Variants in CCDC150 observed in about 807,000 individuals in gnomAD.
CCDC150 encodes the protein coiled-coil domain containing 150, also known as coiled-coil domain-containing protein 150.
CCDC150 carries 151 observed loss-of-function variants against 156.5 expected under a neutral mutation model. The observed-to-expected ratio is 0.97, with a 90% CI of 0.85 to 1.10. The LOEUF (loss-of-function observed/expected upper bound fraction) is 1.10. CCDC150 is among the 50% of genes least tolerant of loss of function. CCDC150 has a pLI of 0.00. For missense variants in CCDC150, 1,312 were observed against 1,268.1 expected (o/e 1.03, Z -0.53); for synonymous variants, 452 against 429.4 (o/e 1.05, Z -0.65).
At chr2:196,689,371 C>T (rs1228821641) in intron 13 of CCDC150, among the ~76,000 whole-genome samples, 47 of 151,882 alleles carry the variant, frequency 3.1e-4, no homozygotes, top group Middle Eastern at 3.4e-3. Flanking sequence ...TTCTTCCTAC[C>T]CATGAGCATG....
At chr2:196,687,984 C>T (rs1331082367) in intron 13 of CCDC150, among the ~76,000 whole-genome samples, 2 of 152,120 alleles carry the variant, frequency 1.3e-5, no homozygotes, top group Non-Finnish European at 2.9e-5. Flanking sequence ...CAGTACCATG[C>T]ATGCTGTTTT....
chr2:196,693,849 A>C (rs988195732), intron 13 of CCDC150, among the ~76,000 whole-genome samples: 1 of 152,050 alleles, frequency 6.6e-6, no homozygotes, highest in African/African-American at 2.4e-5. Flanking sequence ...TAATGAATTG[A>C]TGTTGAATTT....
intron 23 of CCDC150, 121 bp downstream of exon 23, chr2:196,729,508 G>A (rs1298781663): frequency 1.0e-6 from 1 of 957,332 alleles, no homozygotes; most frequent in Non-Finnish European, 1.6e-6. Flanking sequence ...GGGAATTATA[G>A]CCAGTTGTCT....
intron 1 of CCDC150, among the ~76,000 whole-genome samples, chr2:196,645,932 T>G (rs745915636): frequency 6.6e-6 from 1 of 152,226 alleles, no homozygotes; most frequent in Non-Finnish European, 1.5e-5. Context: ...TAGGTCCTTG[T>G]GTGTGACTAA....
At chr2:196,701,057 G>A in intron 14 of CCDC150, 52 bp from the exon 15 acceptor site, 1 of 1,155,108 alleles carries the variant, frequency 8.7e-7, no homozygotes, top group Non-Finnish European at 1.3e-6. Flanking sequence ...AAATGAAAAT[G>A]GTTATTCCTT....
chr2:196,639,742 G>A lies in CCDC150; in HGVS notation c.-25G>A. On this transcript the variant is annotated 5_prime_UTR_variant, in exon 1 of 28. Coordinates refer to ENST00000389175, the MANE Select transcript of CCDC150 (RefSeq NM_001080539.2). ...TTCCACGGAAACCCGCTCGCCTGCTGCAGTACGGAGCCTCAGGCGGACAGA... is the reference window on the plus strand; with the variant it reads ...TTCCACGGAAACCCGCTCGCCTGCTACAGTACGGAGCCTCAGGCGGACAGA... 1 of 1,557,062 alleles carries A rather than the reference G, an allele frequency of 6.4e-7. No individual in the cohort carries two copies. The highest frequency in any genetic ancestry group is 1.2e-5 in the South Asian group (1 of 82,990).
intron 17 of CCDC150, chr2:196,713,380 C>G: frequency 6.7e-7 from 1 of 1,501,184 alleles, no homozygotes. Context: ...AAAGGAAATC[C>G]CCAGAGAGGA....
At chr2:196,714,815 T>C (rs770283501) in intron 17 of CCDC150, among the ~76,000 whole-genome samples, 2 of 152,238 alleles carry the variant, frequency 1.3e-5, no homozygotes, top group Non-Finnish European at 1.5e-5. Flanking sequence ...CATACTGATA[T>C]ATACATACAC....
At chr2:196,711,400 A>G (rs550633499) in intron 15 of CCDC150, among the ~76,000 whole-genome samples, 1 of 152,342 alleles carries the variant, frequency 6.6e-6, no homozygotes, top group South Asian at 2.1e-4. Context: ...ATATTGAGAG[A>G]TGGAACTGTT....
intron 14 of CCDC150, among the ~76,000 whole-genome samples, chr2:196,698,130 G>A (rs1695941269): frequency 6.6e-6 from 1 of 152,156 alleles, no homozygotes; most frequent in Non-Finnish European, 1.5e-5. Context: ...ACTCATTTAA[G>A]TGGTTTCTAA....
intron 2 of CCDC150, among the ~76,000 whole-genome samples, chr2:196,648,910 T>C (rs1311700973): frequency 6.6e-6 from 1 of 152,176 alleles, no homozygotes; most frequent in Non-Finnish European, 1.5e-5. Context: ...TTCCCCATTG[T>C]GTATTCTTGG....
chr2:196,653,323 C>T (rs1044398197), intron 2 of CCDC150, among the ~76,000 whole-genome samples: 2 of 152,132 alleles, frequency 1.3e-5, no homozygotes, highest in African/African-American at 4.8e-5. Context: ...TTCTTTGCTC[C>T]TATATCTTAT....
intron 17 of CCDC150, chr2:196,713,099 G>C (rs905349755): frequency 6.0e-6 from 3 of 496,498 alleles, no homozygotes; most frequent in Non-Finnish European, 1.0e-5. Flanking sequence ...GCTGATGAGT[G>C]ATGAGGTCAC....
At chr2:196,717,455 C>T (rs1697595574) in intron 17 of CCDC150, among the ~76,000 whole-genome samples, 2 of 152,016 alleles carry the variant, frequency 1.3e-5, no homozygotes, top group South Asian at 4.2e-4. Flanking sequence ...CATGCATCCA[C>T]ACATAGATGA....
At chr2:196,640,218 G>A (rs1047458851) in intron 1 of CCDC150, among the ~76,000 whole-genome samples, 2 of 152,108 alleles carry the variant, frequency 1.3e-5, no homozygotes, top group African/African-American at 2.4e-5. Context: ...TGCTAGAACG[G>A]AATAGACATT....
intron 1 of CCDC150, among the ~76,000 whole-genome samples, chr2:196,644,407 C>G (rs1377517669): frequency 6.6e-6 from 1 of 152,072 alleles, no homozygotes; most frequent in African/African-American, 2.4e-5. Flanking sequence ...TTTTCCCCAC[C>G]CAGTGCTGTT....
intron 2 of CCDC150, among the ~76,000 whole-genome samples, chr2:196,655,817 G>A (rs998502490): frequency 5.2e-4 from 79 of 152,188 alleles, no homozygotes; most frequent in African/African-American, 1.9e-3. Flanking sequence ...TGGGGTGCTT[G>A]ATGCATGGAA....
chr2:196,729,203 C>T lies in CCDC150; in HGVS notation c.2567C>T (p.Ala856Val). Residue 856 changes from alanine (A) to valine (V), a missense_variant, in exon 23 of 28, where the codon GCC becomes GTC. Coordinates refer to ENST00000389175, the MANE Select transcript of CCDC150 (RefSeq NM_001080539.2). The stretch of plus-strand genomic sequence containing the variant: ...CCCTTGTGTTTTAAGCTGAAGAAAG[C>T]CCTTGATGAAGCTAACTTCAGATCA... ...AQREVAELKK[A>V]LDEANFRSVE... 6.2e-7 allele frequency: 1 copy of T among 1,609,030 alleles called. No homozygotes were observed. The highest frequency in any genetic ancestry group is 1.1e-5 in the South Asian group (1 of 90,284).
Position 196,676,716 on chromosome 2 carries a change from A to G in CCDC150, c.1425A>G (p.Glu475=). 1.9e-6 allele frequency: 3 copies of G among 1,612,970 alleles called. No individual in the cohort carries two copies. Among genetic ancestry groups the G allele is most frequent in the Non-Finnish European group, 2.5e-6 (3 of 1,179,324 alleles). Residue 475 remains glutamate (E), a synonymous_variant, in exon 12 of 28, where the codon GAA becomes GAG. Transcript: ENST00000389175. Reference sequence around the variant, plus strand: ...AGAAGTCTCTGCTAGAGGAGAAAGAAAGATTTCAGAGGGAGGTAGGTAGAA... The same window carrying G: ...AGAAGTCTCTGCTAGAGGAGAAAGAGAGATTTCAGAGGGAGGTAGGTAGAA... ...QEKKSLLEEK[E]RFQREVNKTE...
Sources: gnomAD v4.1 joint callset for allele counts (sites outside exome capture counted in the v4.1 genomes callset) on GRCh38, gnomAD v4.1.1 for gene constraint, MANE v1.5 for transcripts, NCBI Gene and HGNC (gene_info 2026-07-23, HGNC 2026-07-21) for gene names.